STRIP1: variants seen among roughly 807,000 people sequenced by gnomAD.
STRIP1 encodes striatin interacting protein 1.
A neutral mutation model predicts 106.2 loss-of-function variants in STRIP1; 63 were observed. That is an observed-to-expected ratio of 0.59 (90% CI 0.48 to 0.73). The LOEUF is 0.73. Ranked by LOEUF, STRIP1 falls within the 30% of genes least tolerant of loss-of-function variation. STRIP1 has a pLI of 0.00. For missense variants in STRIP1, 857 were observed against 1,074.8 expected (o/e 0.80, Z 2.83); for synonymous variants, 390 against 413.0 (o/e 0.94, Z 0.67).
intron 3 of STRIP1, 121 bp downstream of exon 3, chr1:110,038,878 T>C: frequency 1.1e-6 from 1 of 934,242 alleles, no homozygotes; most frequent in Non-Finnish European, 1.6e-6. Context: ...TGCTGAACCC[T>C]GATGGTTCAA....
At chr1:110,033,185 A>G (rs1652273289), upstream of STRIP1, among the ~76,000 whole-genome samples, 1 of 152,116 alleles carries the variant, frequency 6.6e-6, no homozygotes, top group East Asian at 1.9e-4. Context: ...TTCCTTGGGC[A>G]GCATGCTTAT....
chr1:110,038,883 G>T lies in STRIP1; in HGVS notation c.325+126G>T, dbSNP rs1325895397. 14 of 891,212 alleles carry T rather than the reference G, an allele frequency of 1.6e-5. No homozygotes were observed. In the East Asian group the frequency reaches 3.3e-4, roughly 21 times the overall value. The allele number at this position is 891,212 out of a possible 1,614,324, so 55.2% of individuals were successfully genotyped here. A position where few individuals can be genotyped will look rare whatever the true frequency, so the allele number is the denominator to read the frequency against. The stretch of plus-strand genomic sequence containing the variant: ...CTGAGAAGCCTGCTGAACCCTGATG[G>T]TTCAAAGCCAGATACATGTAGAGTG... On this transcript the variant is annotated intron_variant, in intron 3 of 20. Transcript: ENST00000369795.
intron 1 of STRIP1, among the ~76,000 whole-genome samples, chr1:110,036,490 A>G (rs1570911675): frequency 6.6e-6 from 1 of 152,184 alleles, no homozygotes; most frequent in Non-Finnish European, 1.5e-5. Flanking sequence ...GACTCATTAC[A>G]TGAAAGACCA....
chr1:110,035,850 G>A (rs952641752), intron 1 of STRIP1, among the ~76,000 whole-genome samples: 1 of 152,100 alleles, frequency 6.6e-6, no homozygotes, highest in African/African-American at 2.4e-5. Context: ...TGTTAGCAAG[G>A]CTAAACCCCT....
At chr1:110,045,640 A>C (rs1652986361) in intron 12 of STRIP1, 1 of 153,492 alleles carries the variant, frequency 6.5e-6, no homozygotes, top group African/African-American at 2.4e-5. Context: ...TAGCTCATAG[A>C]GCCATGGAGA....
intron 2 of STRIP1, chr1:110,038,379 G>A (rs559763343): frequency 1.7e-4 from 60 of 358,222 alleles, no homozygotes; most frequent in African/African-American, 1.2e-3. Context: ...TACACATCCT[G>A]CTCAAGAGGT....
chr1:110,039,156 G>A lies in STRIP1; in HGVS notation c.326-16G>A. 1 of 1,613,486 alleles carries A rather than the reference G, an allele frequency of 6.2e-7. No homozygotes were observed. The highest frequency in any genetic ancestry group is 8.5e-7 in the Non-Finnish European group (1 of 1,179,514). On this transcript the variant is annotated splice_polypyrimidine_tract_variant and intron_variant, in intron 3 of 20. Transcript: ENST00000369795. ...ATTTTTCTAGGCTCAGGTGTAACTG[G>A]TTTCTTGCCCTGCAGTGACAGACAA...
At chr1:110,046,606 G>C (rs1048076118) in intron 12 of STRIP1, 74 bp from the exon 13 acceptor site, 9 of 1,321,232 alleles carry the variant, frequency 6.8e-6, no homozygotes, top group Non-Finnish European at 8.7e-6. Context: ...AATGTGTGGG[G>C]ATTTTGCTAG....
chr1:110,050,383 C>G lies in STRIP1; in HGVS notation c.1930C>G (p.Leu644Val). The stretch of plus-strand genomic sequence containing the variant: ...TTACCCTCACTGCGTGGTGCATGAG[C>G]TGCCAGAGCTGACGGCGGAGAGTTT... ...LDYPHCVVHE[L>V]PELTAESLEA... The change falls in exon 18 of 21, where the codon CTG becomes GTG. Residue 644 changes from leucine to valine, a missense_variant. By Grantham distance (32) the Leu-to-Val change is conservative. This residue lies in a region of STRIP1 where 750 missense variants were observed against 989.8 expected (regional missense o/e 0.76). Coordinates refer to ENST00000369795, the MANE Select transcript of STRIP1 (RefSeq NM_033088.4). 1 of 1,614,204 alleles carries G rather than the reference C, an allele frequency of 6.2e-7. No individual in the cohort carries two copies. The highest frequency in any genetic ancestry group is 8.5e-7 in the Non-Finnish European group (1 of 1,180,024).
At position 110,037,919 on chromosome 1, in the gene STRIP1, T is replaced by G. The variant is rs1652540479; in HGVS notation, c.209T>G (p.Phe70Cys). The change falls in exon 2 of 21, where the codon TTT becomes TGT. Residue 70 changes from phenylalanine (F) to cysteine (C), a missense_variant. By Grantham distance (205) the Phe-to-Cys change is radical. Coordinates refer to ENST00000369795, the MANE Select transcript of STRIP1 (RefSeq NM_033088.4). ...EGYSESPDLE[F>C]EYADTDKWAA... is the part of the protein sequence containing the mutation. ...TATTCGGAGTCACCAGACCTGGAGT[T>G]TGAGTATGCTGACACAGACAAGTGG... The G allele has an allele frequency of 6.2e-7, 1 of 1,612,726 alleles. No individual in the cohort carries two copies. The highest frequency in any genetic ancestry group is 1.3e-5 in the African/African-American group (1 of 74,888).
At chr1:110,043,573 C>T in intron 9 of STRIP1, 66 bp from the exon 10 acceptor site, 1 of 1,406,674 alleles carries the variant, frequency 7.1e-7, no homozygotes, top group Non-Finnish European at 9.9e-7. Flanking sequence ...TGTGTCTCCT[C>T]TGGCTGCACT....
intron 2 of STRIP1, 143 bp from the exon 3 acceptor site, chr1:110,038,540 A>T (rs1203012325): frequency 1.6e-6 from 1 of 635,318 alleles, no homozygotes; most frequent in Non-Finnish European, 2.8e-6. Flanking sequence ...TCCCCTTCAT[A>T]ATTAGAGAGC....
chr1:110,038,079 T>TC (rs58974854), intron 2 of STRIP1, 119 bp downstream of exon 2: 4 of 66,232 alleles, frequency 6.0e-5, no homozygotes, highest in African/African-American at 1.9e-4. Context: ...CAAATATATA[T>TC]ATATATATAT....
Position 110,049,204 on chromosome 1 carries a change from T to C in STRIP1, c.1754T>C (p.Leu585Pro). 6.2e-7 allele frequency: 1 copy of C among 1,614,234 alleles called. No homozygotes were observed. Among genetic ancestry groups the C allele is most frequent in the Non-Finnish European group, 8.5e-7 (1 of 1,180,042 alleles). The change falls in exon 16 of 21, where the codon CTG becomes CCG. Residue 585 changes from leucine to proline, a missense_variant. Leu to Pro is a moderately conservative substitution (Grantham distance 98). Around this residue, in one of 2 missense-constraint regions of STRIP1, gnomAD observed 750 missense variants for 989.8 expected, o/e 0.76. Transcript: ENST00000369795. ...GCCATTTCTGCTGTCCTGCTGCTGC[T>C]GCTCAAGCACTTTAAGTTGAACCAT... ...VKAISAVLLL[L>P]LKHFKLNHVY... is the part of the protein sequence containing the mutation.
rs988263416 is a variant in STRIP1 at position 110,039,748 on chromosome 1, A to G, written c.581+233A>G. 4.4e-6 allele frequency: 5 copies of G among 1,136,780 alleles called. No homozygotes were observed. In the African/African-American group the frequency reaches 7.8e-5, roughly 18 times the overall value. 70.4% of individuals were successfully genotyped at this position (1,136,780 alleles called of 1,614,324 possible). ...TGATGCCAGAGTTTTTACACCAGACAGTGCAGGCCCTGCCCAGGCCTGGGG... is the reference window on the plus strand; with the variant it reads ...TGATGCCAGAGTTTTTACACCAGACGGTGCAGGCCCTGCCCAGGCCTGGGG... On this transcript the variant is annotated intron_variant, in intron 5 of 20. Transcript: ENST00000369795.
rs989261433 is a variant in STRIP1 at position 110,034,858 on chromosome 1, G to A, written c.180+41G>A. 1.7e-5 allele frequency: 24 copies of A among 1,375,164 alleles called. No individual in the cohort carries two copies. The South Asian group carries it at 4.2e-4, about 24-fold the overall frequency. 85.2% of individuals were successfully genotyped at this position (1,375,164 alleles called of 1,614,324 possible). ...GGGCGAGGCTCGCACCGGGTCGGGC[G>A]GCGCCGGGGGTCCCGGGCCCGGGGC... On this transcript the variant is annotated intron_variant, in intron 1 of 20. Transcript: ENST00000369795.
intron 2 of STRIP1, 77 bp from the exon 3 acceptor site, chr1:110,038,605 CT>C (rs1359600808): frequency 1.7e-6 from 2 of 1,203,390 alleles, no homozygotes; most frequent in Non-Finnish European, 2.4e-6. Context: ...AAGCAAATGC[CT>C]TGCCTTCTCT....
chr1:110,044,897 T>C lies in STRIP1; in HGVS notation c.1344T>C (p.Thr448=), dbSNP rs762319791. ...GCCGCAGCAAATTTATAGGTTACAC[T>C]CTAGGCAGGTGAGTAAAAGCCGAGT... The part of the protein sequence containing the change: ...ESSRSKFIGY[T]LGSDTNTVVG... The change falls in exon 11 of 21, where the codon ACT becomes ACC. Residue 448 remains threonine, a synonymous_variant. Coordinates refer to ENST00000369795, the MANE Select transcript of STRIP1 (RefSeq NM_033088.4). The C allele has an allele frequency of 1.2e-6, 2 of 1,614,212 alleles. No individual in the cohort carries two copies. Among genetic ancestry groups the C allele is most frequent in the South Asian group, 1.1e-5 (1 of 91,084 alleles).
Position 110,041,741 on chromosome 1 carries a change from G to T in STRIP1, c.765G>T (p.Pro255=). The T allele has an allele frequency of 6.2e-7, 1 of 1,614,074 alleles. No individual in the cohort carries two copies. The highest frequency in any genetic ancestry group is 8.5e-7 in the Non-Finnish European group (1 of 1,180,018). The part of the protein sequence containing the change: ...RQTFRAELGS[P]LYNNEPFAIM... ...CCTTTGTGTCACCTCCAGGCTCCCCGCTGTACAACAATGAGCCATTTGCCA... is the reference window on the plus strand; with the variant it reads ...CCTTTGTGTCACCTCCAGGCTCCCCTCTGTACAACAATGAGCCATTTGCCA... Residue 255 remains proline (P), a synonymous_variant, in exon 8 of 21, where the codon CCG becomes CCT. Coordinates refer to ENST00000369795, the MANE Select transcript of STRIP1 (RefSeq NM_033088.4).
Sources: gnomAD v4.1 joint callset for allele counts (sites outside exome capture counted in the v4.1 genomes callset) on GRCh38, gnomAD v4.1.1 for gene constraint, gnomAD v4.1.1 regional missense constraint, MANE v1.5 for transcripts, NCBI Gene and HGNC (gene_info 2026-07-23, HGNC 2026-07-21) for gene names.